DOCK10: variants seen among roughly 807,000 people sequenced by gnomAD.
DOCK10 encodes the protein dedicator of cytokinesis 10, also known as dedicator of cytokinesis protein 10.
DOCK10 carries 145 observed loss-of-function variants against 280.1 expected under a neutral mutation model. That is an observed-to-expected ratio of 0.52 (90% CI 0.45 to 0.59). The LOEUF is 0.59. Among genes scored for constraint, DOCK10 ranks in the 20% least tolerant of loss-of-function variants. DOCK10 has a pLI of 0.00. For missense variants in DOCK10, 2,368 were observed against 2,651.7 expected (o/e 0.89, Z 2.35); for synonymous variants, 915 against 942.2 (o/e 0.97, Z 0.53).
chr2:224,951,256 A>G (rs1393159443), intron 1 of DOCK10, among the ~76,000 whole-genome samples: 1 of 152,214 alleles, frequency 6.6e-6, no homozygotes, highest in African/African-American at 2.4e-5. Flanking sequence ...ATATATGTGT[A>G]TGTATAATGG....
At chr2:224,934,407 T>C (rs1024481784) in intron 1 of DOCK10, among the ~76,000 whole-genome samples, 2 of 152,210 alleles carry the variant, frequency 1.3e-5, no homozygotes, top group Admixed American at 1.3e-4. Context: ...TTGTTGATCA[T>C]TGTGTAACAT....
intron 14 of DOCK10, chr2:224,860,890 A>G (rs1342480972): frequency 6.6e-6 from 1 of 152,138 alleles, no homozygotes; most frequent in Non-Finnish European, 1.5e-5. Flanking sequence ...CAGAGTTAGG[A>G]TATTTTGAGC....
chr2:224,792,823 C>T (rs921081254), intron 47 of DOCK10, 151 bp downstream of exon 47: 6 of 546,834 alleles, frequency 1.1e-5, no homozygotes, highest in Non-Finnish European at 1.9e-5. Flanking sequence ...TTCTGAATGG[C>T]AGGAGTTTAA....
intron 14 of DOCK10, chr2:224,862,369 T>C (rs545839044): frequency 1.7e-5 from 4 of 241,358 alleles, no homozygotes; most frequent in Non-Finnish European, 3.2e-5. Flanking sequence ...AAGTCAAATA[T>C]ACATAATAAA....
rs1315627117 is a variant in DOCK10, at chr2:225,035,805, G to C, written c.123+6447C>G. Among the ~76,000 whole-genome samples, 4 of 151,298 alleles carry C rather than the reference G, an allele frequency of 2.6e-5. No individual in the cohort carries two copies. The South Asian group carries it at 6.3e-4, about 24-fold the overall frequency. On this transcript the variant is annotated intron_variant, in intron 1 of 55. Coordinates refer to ENST00000258390, the MANE Select transcript of DOCK10 (RefSeq NM_014689.3). The stretch of plus-strand genomic sequence containing the variant: ...TAACATGGTTGGGTTCCTGGTGAAA[G>C]CTCTCTTTCTGGCTCGTAGTTGGCC...
intron 3 of DOCK10, among the ~76,000 whole-genome samples, chr2:224,909,891 A>G (rs1700915116): frequency 6.6e-6 from 1 of 151,862 alleles, no homozygotes; most frequent in African/African-American, 2.4e-5. Context: ...TTAATAACAG[A>G]TAAAACAGAA....
chr2:224,921,638 T>C (rs961085358), intron 2 of DOCK10, among the ~76,000 whole-genome samples: 3 of 152,226 alleles, frequency 2.0e-5, no homozygotes, highest in South Asian at 2.1e-4. Flanking sequence ...CTTGGAACCA[T>C]GTGATAAATC....
At chr2:224,791,631 A>ATTTTTT (rs11399071) in intron 47 of DOCK10, among the ~76,000 whole-genome samples, 3 of 139,216 alleles carry the variant, frequency 2.2e-5, no homozygotes. Flanking sequence ...CGCCCGGCTA[A>ATTTTTT]TTTTTTTTTT....
intron 44 of DOCK10, among the ~76,000 whole-genome samples, chr2:224,795,834 T>G (rs1459215412): frequency 6.6e-6 from 1 of 152,080 alleles, no homozygotes; most frequent in African/African-American, 2.4e-5. Flanking sequence ...ATAAGATGAA[T>G]TTTCCCCCAA....
chr2:224,797,500 T>C (rs1409411190), intron 42 of DOCK10, among the ~76,000 whole-genome samples: 1 of 152,174 alleles, frequency 6.6e-6, no homozygotes, highest in African/African-American at 2.4e-5. Context: ...CTGTATCCAC[T>C]TTAATGTGGA....
intron 1 of DOCK10, among the ~76,000 whole-genome samples, chr2:225,016,164 T>C (rs1007941632): frequency 4.6e-5 from 7 of 152,228 alleles, no homozygotes; most frequent in African/African-American, 1.7e-4. Flanking sequence ...GGTTTGTCAC[T>C]AGCATTTCAT....
chr2:225,028,006 G>A (rs1438010283), intron 1 of DOCK10, among the ~76,000 whole-genome samples: 1 of 152,190 alleles, frequency 6.6e-6, no homozygotes, highest in Non-Finnish European at 1.5e-5. Flanking sequence ...GGAAGAGTTA[G>A]TCCTTTTAAT....
At chr2:224,909,807 T>TTTTTTTTTGTTTGTTTTTTGTTTTTTG (rs1553611074) in intron 3 of DOCK10, among the ~76,000 whole-genome samples, 10 of 151,952 alleles carry the variant, frequency 6.6e-5, no homozygotes, top group African/African-American at 2.4e-4. Context: ...TGCAGTGTTT[T>TTTTTTTTTGTTTGTTTTTTGTTTTTTG]AATGGATGTG....
chr2:224,914,409 C>A (rs1701200236), intron 3 of DOCK10, among the ~76,000 whole-genome samples: 1 of 152,058 alleles, frequency 6.6e-6, no homozygotes, highest in South Asian at 2.1e-4. Flanking sequence ...AAAGTAAAAA[C>A]AATTAGAAGG....
At chr2:224,884,983 T>C (rs6712372) in intron 7 of DOCK10, among the ~76,000 whole-genome samples, 36,454 of 152,032 alleles carry the variant, frequency 0.24, 6,070 homozygotes, top group African/African-American at 0.48. Context: ...CTTGCTGCCT[T>C]TGCTTATTCT....
chr2:225,028,454 C>T (rs1689980657), intron 1 of DOCK10, among the ~76,000 whole-genome samples: 1 of 152,198 alleles, frequency 6.6e-6, no homozygotes, highest in Non-Finnish European at 1.5e-5. Context: ...TAGAGCTCCA[C>T]AAAGGGTCAC....
intron 22 of DOCK10, 31 bp from the exon 23 acceptor site, chr2:224,841,927 T>C: frequency 6.7e-7 from 1 of 1,487,900 alleles, no homozygotes; most frequent in Non-Finnish European, 9.4e-7. Flanking sequence ...TATTTATTTC[T>C]GATGACACGT....
chr2:224,839,326 C>T (rs1303016434), intron 24 of DOCK10, among the ~76,000 whole-genome samples: 2 of 148,480 alleles, frequency 1.3e-5, no homozygotes, highest in Non-Finnish European at 3.0e-5. Flanking sequence ...GCAGGATGGT[C>T]TCGATCTCCT....
rs1292896097 is a variant in DOCK10, at chr2:225,025,004, T to G, written c.123+17248A>C. ...AGCTGACGGAGGTCTGCAAAGGTAT[T>G]GGTCATGTGTATTTCATAAAATTAA... On this transcript the variant is annotated intron_variant, in intron 1 of 55. Coordinates refer to ENST00000258390, the MANE Select transcript of DOCK10 (RefSeq NM_014689.3). Among the ~76,000 whole-genome samples, 2 of 152,174 alleles carry G rather than the reference T, an allele frequency of 1.3e-5. 1 individual carries two copies. Among genetic ancestry groups the G allele is most frequent in the Non-Finnish European group, 2.9e-5 (2 of 68,032 alleles).
Sources: allele counts gnomAD v4.1 joint callset (sites outside exome capture counted in the v4.1 genomes callset), GRCh38; gene constraint gnomAD v4.1.1; transcripts MANE v1.5; gene names NCBI Gene and HGNC (gene_info 2026-07-23, HGNC 2026-07-21).